The following IMMP2L variants were observed in gnomAD, a reference collection of about 807,000 sequenced individuals.
IMMP2L encodes the protein mitochondrial inner membrane protease subunit 2.
IMMP2L carries 18 observed loss-of-function variants against 19.3 expected under a neutral mutation model. That is an observed-to-expected ratio of 0.93 (90% CI 0.64 to 1.38). The LOEUF (loss-of-function observed/expected upper bound fraction) is 1.38. Among genes scored for constraint, IMMP2L ranks in the 40% most tolerant of loss-of-function variants. IMMP2L has a pLI of 0.00. For synonymous variants in IMMP2L, 76 were observed against 73.0 expected (o/e 1.04, Z -0.21); for missense variants, 233 against 218.2 (o/e 1.07, Z -0.43).
intron 3 of IMMP2L, among the ~76,000 whole-genome samples, chr7:111,191,620 G>T (rs1199421487): frequency 6.6e-6 from 1 of 151,966 alleles, no homozygotes; most frequent in Non-Finnish European, 1.5e-5. Flanking sequence ...GTCAGTAGTA[G>T]CACAAACTGG....
rs915307248 is a variant in IMMP2L, at chr7:111,213,808, C to T, written c.240-250243G>A. Among the ~76,000 whole-genome samples the T allele has an allele frequency of 1.2e-4, 18 of 152,144 alleles. No homozygotes were observed. The highest frequency in any genetic ancestry group is 4.1e-4 in the African/African-American group (17 of 41,428). Reference sequence around the variant, plus strand: ...AACATTTGAAGGAATGACCTGCCTGCGGAGAGCTATCCAACGTGGGTCTCC... The same window carrying T: ...AACATTTGAAGGAATGACCTGCCTGTGGAGAGCTATCCAACGTGGGTCTCC... On this transcript the variant is annotated intron_variant, in intron 3 of 5. Transcript: ENST00000405709. The surrounding 1 kb of genome is among the most constrained non-coding windows in gnomAD (Gnocchi z 4.8).
chr7:110,905,453 AT>A (rs367823090), intron 4 of IMMP2L, among the ~76,000 whole-genome samples: 2,526 of 149,612 alleles, frequency 0.017, 63 homozygotes, highest in African/African-American at 0.055. Context: ...TTTTTGTTAC[AT>A]TTTTTTTTTC....
At chr7:111,254,989 G>T (rs953419439) in intron 3 of IMMP2L, among the ~76,000 whole-genome samples, 1 of 151,804 alleles carries the variant, frequency 6.6e-6, no homozygotes, top group Admixed American at 6.6e-5. Context: ...AATTATCCAC[G>T]ATCCTATAAC....
At chr7:111,191,576 C>T (rs1183409793) in intron 3 of IMMP2L, among the ~76,000 whole-genome samples, 2 of 151,934 alleles carry the variant, frequency 1.3e-5, no homozygotes, top group Non-Finnish European at 2.9e-5. Context: ...TGATATATTC[C>T]TTCCTCCTGA....
At chr7:110,992,844 T>C (rs185866882) in intron 3 of IMMP2L, among the ~76,000 whole-genome samples, 4 of 152,234 alleles carry the variant, frequency 2.6e-5, no homozygotes, top group Non-Finnish European at 4.4e-5. Context: ...AATAAATTCA[T>C]CTTGTCCTTG....
At chr7:110,961,937 C>T (rs140847963) in intron 4 of IMMP2L, among the ~76,000 whole-genome samples, 4 of 151,840 alleles carry the variant, frequency 2.6e-5, no homozygotes, top group Non-Finnish European at 4.4e-5. Context: ...TGCAAATGGA[C>T]AAGAGAGAAC....
chr7:111,504,803 C>A (rs1457292433), intron 2 of IMMP2L, among the ~76,000 whole-genome samples: 1 of 152,050 alleles, frequency 6.6e-6, no homozygotes, highest in African/African-American at 2.4e-5. Flanking sequence ...CTTCCTTACA[C>A]CTTATACAAA....
chr7:111,043,050 T>C (rs1792050472), intron 3 of IMMP2L, among the ~76,000 whole-genome samples: 1 of 152,218 alleles, frequency 6.6e-6, no homozygotes, highest in African/African-American at 2.4e-5. Context: ...TGACTCAACA[T>C]GCCTCAGAAA....
At chr7:110,793,970 CTATTGGA>C (rs1160772204) in intron 5 of IMMP2L, among the ~76,000 whole-genome samples, 2 of 152,010 alleles carry the variant, frequency 1.3e-5, no homozygotes, top group Non-Finnish European at 2.9e-5. Context: ...CACTACATAA[CTATTGGA>C]ATAGCAAAAA....
At chr7:111,090,643 A>T (rs1435438457) in intron 3 of IMMP2L, among the ~76,000 whole-genome samples, 1 of 151,522 alleles carries the variant, frequency 6.6e-6, no homozygotes, top group Non-Finnish European at 1.5e-5. Flanking sequence ...ATTGAACACC[A>T]AGCACATATG....
chr7:110,886,421 C>CT (rs1810225830), intron 5 of IMMP2L, among the ~76,000 whole-genome samples, 172 bp downstream of exon 5: 1 of 152,062 alleles, frequency 6.6e-6, no homozygotes, highest in Non-Finnish European at 1.5e-5. Context: ...CATACACACT[C>CT]TGATAGTGTA....
chr7:111,372,357 C>T (rs113654290), intron 3 of IMMP2L, among the ~76,000 whole-genome samples: 4 of 152,098 alleles, frequency 2.6e-5, no homozygotes, highest in African/African-American at 9.6e-5. Context: ...CTGAATACTT[C>T]TATAAAATAC....
At chr7:110,809,411 T>C (rs1395636561) in intron 5 of IMMP2L, among the ~76,000 whole-genome samples, 1 of 152,012 alleles carries the variant, frequency 6.6e-6, no homozygotes, top group East Asian at 1.9e-4. Flanking sequence ...TTTTTAGTTC[T>C]AATTATGAAT....
At chr7:110,746,846 G>C (rs898088789) in intron 5 of IMMP2L, among the ~76,000 whole-genome samples, 1 of 152,130 alleles carries the variant, frequency 6.6e-6, no homozygotes, top group Non-Finnish European at 1.5e-5. Flanking sequence ...GAAAGAACTA[G>C]AGAAGCAAGA....
intron 5 of IMMP2L, among the ~76,000 whole-genome samples, chr7:110,789,422 C>T (rs1198122282): frequency 6.6e-6 from 1 of 151,632 alleles, no homozygotes; most frequent in Non-Finnish European, 1.5e-5. Context: ...GTTAGCAAAC[C>T]CTATGAAGTC....
chr7:111,077,516 T>C (rs1296270693), intron 3 of IMMP2L, among the ~76,000 whole-genome samples: 1 of 152,160 alleles, frequency 6.6e-6, no homozygotes, highest in African/African-American at 2.4e-5. Flanking sequence ...TCTTTATAGG[T>C]CTGGGTTTAA....
intron 3 of IMMP2L, among the ~76,000 whole-genome samples, chr7:110,968,727 T>C (rs1819823332): frequency 6.6e-6 from 1 of 152,136 alleles, no homozygotes; most frequent in Non-Finnish European, 1.5e-5. Flanking sequence ...TCCCGCCAGC[T>C]TGTTTCACAA....
chr7:110,804,405 G>T (rs894485330), intron 5 of IMMP2L, among the ~76,000 whole-genome samples: 4 of 151,898 alleles, frequency 2.6e-5, no homozygotes, highest in African/African-American at 7.3e-5. Context: ...TTTATTACAT[G>T]GAAGTCTTTG....
intron 3 of IMMP2L, among the ~76,000 whole-genome samples, chr7:111,404,763 G>A (rs909006420): frequency 6.6e-6 from 1 of 151,994 alleles, no homozygotes; most frequent in African/African-American, 2.4e-5. Context: ...TTCCCTAAAG[G>A]AATGATGTCA....
Sources: allele counts gnomAD v4.1 joint callset (sites outside exome capture counted in the v4.1 genomes callset), GRCh38; gene constraint gnomAD v4.1.1; non-coding constraint Gnocchi (gnomAD v3.1); transcripts MANE v1.5; gene names NCBI Gene and HGNC (gene_info 2026-07-23, HGNC 2026-07-21).